The following PTPRG variants were observed in gnomAD, a reference collection of about 807,000 sequenced individuals.
The protein encoded by PTPRG is protein tyrosine phosphatase receptor type G, also known as receptor-type tyrosine-protein phosphatase gamma.
Under a neutral mutation model 165.3 loss-of-function variants are expected in PTPRG, and 102 were observed. The observed-to-expected ratio is 0.62, with a 90% CI of 0.53 to 0.73. The LOEUF is 0.73. Ranked by LOEUF, PTPRG falls within the 30% of genes least tolerant of loss-of-function variation. The probability of loss-of-function intolerance (pLI) is 0.00; values close to 1 mark genes in which losing one functional copy is unlikely to be tolerated. For missense variants in PTPRG, 1,866 were observed against 1,861.4 expected, an observed-to-expected ratio of 1.00 and a Z score of -0.05; for synonymous variants, 675 against 669.5, an observed-to-expected ratio of 1.01 and a Z score of -0.13.
At chr3:61,753,584 G>GTTTTTTTTTTT in intron 2 of PTPRG, 1 of 350,942 alleles carries the variant, frequency 2.8e-6, no homozygotes, top group Non-Finnish European at 5.4e-6. Flanking sequence ...GAAATTTGAG[G>GTTTTTTTTTTT]GTTTTTTTTT....
chr3:61,761,586 G>GAAAC (rs58659958), intron 2 of PTPRG, among the ~76,000 whole-genome samples: 57,991 of 151,000 alleles, frequency 0.38, 11,825 homozygotes, highest in East Asian at 0.8. Context: ...TCAAAACAAA[G>GAAAC]AAACAAACAA....
rs145654804 is a variant in PTPRG, at chr3:62,127,486, G to C, written c.616-5116G>C. Among the ~76,000 whole-genome samples the C allele has an allele frequency of 3.4e-3, 518 of 152,290 alleles. 3 individuals carry two copies. Among genetic ancestry groups the C allele is most frequent in the African/African-American group, 0.012 (502 of 41,560 alleles). ...GGTGAATCCTCTTCTCTGCAATTCT[G>C]GAAGGCCATGTGGAGTCTCTGGTCC... On this transcript the variant is annotated intron_variant, in intron 5 of 29. Transcript: ENST00000474889.
intron 5 of PTPRG, among the ~76,000 whole-genome samples, chr3:62,082,299 T>G (rs1311736891): frequency 6.6e-6 from 1 of 152,226 alleles, no homozygotes; most frequent in African/African-American, 2.4e-5. Context: ...TTTGCTGTGC[T>G]TAGATATGAA....
intron 1 of PTPRG, among the ~76,000 whole-genome samples, chr3:61,595,139 C>G (rs868524483): frequency 5.3e-5 from 8 of 151,690 alleles, no homozygotes; most frequent in African/African-American, 1.9e-4. Context: ...ATGAGAGCAG[C>G]AATAATCTCC....
At chr3:61,808,076 A>G (rs2035469263) in intron 2 of PTPRG, among the ~76,000 whole-genome samples, 1 of 152,144 alleles carries the variant, frequency 6.6e-6, no homozygotes, top group Non-Finnish European at 1.5e-5. Context: ...CACGGAGCTG[A>G]TATTGTTATA....
intron 2 of PTPRG, among the ~76,000 whole-genome samples, chr3:61,783,102 A>C (rs1001319950): frequency 6.6e-5 from 10 of 152,216 alleles, no homozygotes; most frequent in Non-Finnish European, 1.0e-4. Context: ...CAGCACACCC[A>C]GCTCAGTTTG....
At chr3:61,684,146 A>G (rs1210771833) in intron 1 of PTPRG, among the ~76,000 whole-genome samples, 1 of 152,136 alleles carries the variant, frequency 6.6e-6, no homozygotes, top group Admixed American at 6.5e-5. Context: ...CTGGACTTTT[A>G]AGAGTAGCTC....
At chr3:62,119,621 TA>T (rs1559529734) in intron 5 of PTPRG, among the ~76,000 whole-genome samples, 2 of 151,848 alleles carry the variant, frequency 1.3e-5, no homozygotes, top group Admixed American at 6.6e-5. Context: ...TTAATTTTTT[TA>T]TTTTTTTATT....
intron 4 of PTPRG, among the ~76,000 whole-genome samples, chr3:62,070,355 G>T (rs1701168516): frequency 6.6e-6 from 1 of 152,066 alleles, no homozygotes; most frequent in Admixed American, 6.6e-5. Context: ...AGCCCTCCTT[G>T]CCACTGATTT....
At chr3:61,759,296 T>G (rs757261583) in intron 2 of PTPRG, among the ~76,000 whole-genome samples, 8 of 152,202 alleles carry the variant, frequency 5.3e-5, no homozygotes, top group Non-Finnish European at 1.2e-4. Flanking sequence ...AACTTTGCCT[T>G]CTTGAGAAAT....
At position 62,255,441 on chromosome 3, in the gene PTPRG, C is replaced by T. The variant is rs558655417; in HGVS notation, c.2559+226C>T. Among the ~76,000 whole-genome samples the T allele has an allele frequency of 3.3e-5, 5 of 151,694 alleles. No homozygotes were observed. The highest frequency in any genetic ancestry group is 9.7e-5 in the African/African-American group (4 of 41,032). Reference sequence around the variant, plus strand: ...TGAATATGTATTTCTACAAAAGAACCGACTTAGTGATAGAAAAGAAGCAAA... The same window carrying T: ...TGAATATGTATTTCTACAAAAGAACTGACTTAGTGATAGAAAAGAAGCAAA... On this transcript the variant is annotated intron_variant, in intron 16 of 29. Coordinates refer to ENST00000474889, the MANE Select transcript of PTPRG (RefSeq NM_002841.4). The surrounding 1 kb of genome is among the most constrained non-coding windows in gnomAD (Gnocchi z 4.0).
chr3:61,738,267 T>TATATATACAC (rs1559583080), intron 1 of PTPRG, among the ~76,000 whole-genome samples: 2 of 76,310 alleles, frequency 2.6e-5, no homozygotes, highest in South Asian at 4.5e-4. Context: ...TTTATATATA[T>TATATATACAC]ATATATATAT....
chr3:61,600,190 A>ATGTGTGTGTGTGTGTGTGTG (rs1293051250), intron 1 of PTPRG, among the ~76,000 whole-genome samples: 1,999 of 117,266 alleles, frequency 0.017, 26 homozygotes, highest in East Asian at 0.039. Flanking sequence ...ATATATATAT[A>ATGTGTGTGTGTGTGTGTGTG]TATGTGTGTG....
At chr3:61,918,178 C>A (rs1216249748) in intron 2 of PTPRG, among the ~76,000 whole-genome samples, 2 of 151,834 alleles carry the variant, frequency 1.3e-5, no homozygotes, top group Admixed American at 6.6e-5. Flanking sequence ...AGACACTAAT[C>A]AAAAAAATAC....
At chr3:61,988,981 A>G (rs1488767308) in intron 2 of PTPRG, among the ~76,000 whole-genome samples, 2 of 152,194 alleles carry the variant, frequency 1.3e-5, no homozygotes, top group African/African-American at 4.8e-5. Context: ...ATGAGTACAG[A>G]GTCCAGTCTG....
chr3:62,037,076 T>C (rs1203984415), intron 4 of PTPRG, among the ~76,000 whole-genome samples: 1 of 152,200 alleles, frequency 6.6e-6, no homozygotes, highest in Non-Finnish European at 1.5e-5. Context: ...GCTTGCATTA[T>C]CTAATCTCCC....
At chr3:62,077,995 C>G (rs1322920005) in intron 4 of PTPRG, among the ~76,000 whole-genome samples, 168 bp from the exon 5 acceptor site, 1 of 117,254 alleles carries the variant, frequency 8.5e-6, no homozygotes, top group African/African-American at 3.6e-5. Flanking sequence ...GAGACCTTAT[C>G]TCAAAAAAAA....
chr3:61,887,269 G>A lies in PTPRG; in HGVS notation c.191-102356G>A, dbSNP rs557471663. ...AGTTGAAAAAGAAAATTCACAGGAC[G>A]ATACTCTGCTGTGATTTCTAAGCCC... On this transcript the variant is annotated intron_variant, in intron 2 of 29. Coordinates refer to ENST00000474889, the MANE Select transcript of PTPRG (RefSeq NM_002841.4). Among the ~76,000 whole-genome samples, 4 of 151,094 alleles carry A rather than the reference G, an allele frequency of 2.6e-5. No homozygotes were observed. The East Asian group carries it at 7.8e-4, about 30-fold the overall frequency.
chr3:62,020,953 G>T (rs1220507500), intron 4 of PTPRG, among the ~76,000 whole-genome samples: 2 of 151,424 alleles, frequency 1.3e-5, no homozygotes, highest in Non-Finnish European at 2.9e-5. Flanking sequence ...GGGATTATAT[G>T]TGTGAGCCAC....
Sources: allele counts gnomAD v4.1 joint callset (sites outside exome capture counted in the v4.1 genomes callset), GRCh38; gene constraint gnomAD v4.1.1; non-coding constraint Gnocchi (gnomAD v3.1); transcripts MANE v1.5; gene names NCBI Gene and HGNC (gene_info 2026-07-23, HGNC 2026-07-21).